Variants in MTHFD1L observed in about 807,000 individuals in gnomAD.
The protein encoded by MTHFD1L is monofunctional C1-tetrahydrofolate synthase, mitochondrial.
MTHFD1L carries 81 observed loss-of-function variants against 119.5 expected under a neutral mutation model. The observed-to-expected ratio is 0.68, with a 90% CI of 0.57 to 0.82. MTHFD1L has a LOEUF of 0.82. Ranked by LOEUF, MTHFD1L falls within the 40% of genes least tolerant of loss-of-function variation. The pLI is 0.00. For missense variants in MTHFD1L, 1,125 were observed against 1,253.4 expected (o/e 0.90, Z 1.55); for synonymous variants, 430 against 475.2 (o/e 0.90, Z 1.24).
chr6:151,014,778 G>C, intron 22 of MTHFD1L, 102 bp from the exon 23 acceptor site: 1 of 747,280 alleles, frequency 1.3e-6, no homozygotes, highest in Non-Finnish European at 2.2e-6. Context: ...AGTGAAAAAA[G>C]ATGTAGCAAA....
chr6:151,014,934 A>G lies in MTHFD1L; in HGVS notation c.2362A>G (p.Thr788Ala), dbSNP rs1405588960. 2 of 1,614,020 alleles carry G rather than the reference A, an allele frequency of 1.2e-6. No individual in the cohort carries two copies. The highest frequency in any genetic ancestry group is 1.7e-5 in the Admixed American group (1 of 60,010). The change falls in exon 23 of 28, where the codon ACT becomes GCT. Residue 788 changes from threonine to alanine, a missense_variant. Transcript: ENST00000367321. ...TAACCTCCAGAAGCAAATTCAGATCACTCAGCTCTTTGGGGTTCCCGTTGT... is the reference window on the plus strand; with the variant it reads ...TAACCTCCAGAAGCAAATTCAGATCGCTCAGCTCTTTGGGGTTCCCGTTGT... ...CCNLQKQIQI[T>A]QLFGVPVVVA... is the part of the protein sequence containing the mutation.
chr6:150,910,555 CAAAA>C (rs60500917), intron 8 of MTHFD1L, among the ~76,000 whole-genome samples: 4 of 83,496 alleles, frequency 4.8e-5, no homozygotes, highest in Non-Finnish European at 5.4e-5. Flanking sequence ...AACTCCATCT[CAAAA>C]AAAAAAAAAA....
chr6:150,992,164 G>T (rs1174976047), intron 20 of MTHFD1L, among the ~76,000 whole-genome samples: 1 of 151,614 alleles, frequency 6.6e-6, no homozygotes. Flanking sequence ...TATCTAACAG[G>T]GCTCCCTCCC....
chr6:150,979,146 G>T (rs1030623098), intron 20 of MTHFD1L, among the ~76,000 whole-genome samples: 1 of 152,140 alleles, frequency 6.6e-6, no homozygotes, highest in East Asian at 1.9e-4. Flanking sequence ...GGTGAGGCAG[G>T]AGAATCGCTT....
At chr6:151,008,366 C>T (rs763955193) in intron 20 of MTHFD1L, among the ~76,000 whole-genome samples, 1 of 152,220 alleles carries the variant, frequency 6.6e-6, no homozygotes, top group South Asian at 2.1e-4. Flanking sequence ...ATTTCATAAA[C>T]ATTTACTTTG....
intron 24 of MTHFD1L, among the ~76,000 whole-genome samples, chr6:151,025,501 A>G (rs1159364432): frequency 2.0e-5 from 3 of 152,256 alleles, no homozygotes; most frequent in Non-Finnish European, 4.4e-5. Flanking sequence ...CTGTATTTGT[A>G]GATCATTTAA....
At chr6:150,882,983 C>T in intron 5 of MTHFD1L, 97 bp downstream of exon 5, 1 of 1,188,394 alleles carries the variant, frequency 8.4e-7, no homozygotes, top group South Asian at 1.6e-5. Flanking sequence ...TTTATTTCAA[C>T]TGTGTCAGTA....
intron 26 of MTHFD1L, among the ~76,000 whole-genome samples, chr6:151,067,541 C>G (rs901792804): frequency 6.6e-6 from 1 of 152,186 alleles, no homozygotes; most frequent in African/African-American, 2.4e-5. Flanking sequence ...CCAGGCTGGT[C>G]TCGAACTCCT....
chr6:151,037,158 A>G (rs879919933), intron 26 of MTHFD1L, 41 bp downstream of exon 26: 1 of 1,607,724 alleles, frequency 6.2e-7, no homozygotes, highest in Admixed American at 1.7e-5. Context: ...CCCATTCTGC[A>G]TTGCTGTGGT....
intron 26 of MTHFD1L, among the ~76,000 whole-genome samples, chr6:151,046,565 C>T (rs1788120081): frequency 6.8e-6 from 1 of 146,778 alleles, no homozygotes; most frequent in African/African-American, 2.5e-5. Flanking sequence ...TTTCTTCCCC[C>T]CATTTTTCGT....
At chr6:151,015,100 A>G in intron 23 of MTHFD1L, 120 bp downstream of exon 23, 8 of 728,354 alleles carry the variant, frequency 1.1e-5, no homozygotes, top group Non-Finnish European at 1.7e-5. Flanking sequence ...AGAAATACCC[A>G]GTTCTTTCTG....
intron 26 of MTHFD1L, among the ~76,000 whole-genome samples, chr6:151,049,491 C>CAA (rs61344944): frequency 1.0e-4 from 9 of 85,976 alleles, no homozygotes; most frequent in African/African-American, 3.5e-4. Flanking sequence ...GACTCCGTCT[C>CAA]AAAAAAAAAA....
At chr6:150,948,176 T>C (rs1190192382) in intron 15 of MTHFD1L, among the ~76,000 whole-genome samples, 1 of 151,230 alleles carries the variant, frequency 6.6e-6, no homozygotes, top group Non-Finnish European at 1.5e-5. Context: ...CCAGGCTAAT[T>C]TTGTATTTTT....
chr6:150,900,658 T>TA, intron 7 of MTHFD1L, among the ~76,000 whole-genome samples: 1 of 152,318 alleles, frequency 6.6e-6, no homozygotes, highest in Non-Finnish European at 1.5e-5. Context: ...GGAATCTTCC[T>TA]AAAACACATC....
At chr6:150,978,371 C>G (rs1435867827) in intron 20 of MTHFD1L, among the ~76,000 whole-genome samples, 1 of 152,198 alleles carries the variant, frequency 6.6e-6, no homozygotes, top group Non-Finnish European at 1.5e-5. Flanking sequence ...TCCAGAGGTG[C>G]TTGTCAAGAA....
At chr6:151,058,009 G>A (rs1457372660) in intron 26 of MTHFD1L, among the ~76,000 whole-genome samples, 2 of 151,892 alleles carry the variant, frequency 1.3e-5, no homozygotes, top group Non-Finnish European at 2.9e-5. Context: ...ACTCCTGACC[G>A]CACATTATCT....
intron 24 of MTHFD1L, among the ~76,000 whole-genome samples, chr6:151,029,826 A>C (rs967152926): frequency 3.9e-5 from 6 of 152,206 alleles, no homozygotes; most frequent in African/African-American, 1.2e-4. Context: ...CAACTCAGCC[A>C]TCCACTCGCA....
intron 6 of MTHFD1L, 146 bp from the exon 7 acceptor site, chr6:150,887,699 C>A: frequency 2.8e-6 from 2 of 722,782 alleles, no homozygotes; most frequent in Non-Finnish European, 4.1e-6. Flanking sequence ...TGAAGTGATC[C>A]GCCTGCCTCA....
chr6:151,098,585 A>G (rs1795088027), intron 27 of MTHFD1L, among the ~76,000 whole-genome samples: 1 of 152,184 alleles, frequency 6.6e-6, no homozygotes, highest in African/African-American at 2.4e-5. Context: ...CTATCTAACT[A>G]AAATGGAATG....
Sources: gnomAD v4.1 joint callset for allele counts (sites outside exome capture counted in the v4.1 genomes callset) on GRCh38, gnomAD v4.1.1 for gene constraint, MANE v1.5 for transcripts, NCBI Gene and HGNC (gene_info 2026-07-23, HGNC 2026-07-21) for gene names.